Variants in EBLN1 observed in about 807,000 individuals in gnomAD.
The protein encoded by EBLN1 is endogenous Bornavirus-like nucleoprotein 1.
Under a neutral mutation model 0.8 loss-of-function variants are expected in EBLN1, and 1 was observed. That is an observed-to-expected ratio of 1.32 (90% CI 0.47 to 6.26). The LOEUF (loss-of-function observed/expected upper bound fraction) is 6.26, where lower values mean the gene tolerates loss of function less well. Among genes scored for constraint, EBLN1 ranks in the 30% most tolerant of loss-of-function variants. The pLI, the probability that EBLN1 is intolerant of heterozygous loss-of-function variation, is 0.15. For synonymous variants in EBLN1, 158 were observed against 158.5 expected (o/e 1.00, Z 0.02); for missense variants, 396 against 447.9 (o/e 0.88, Z 1.05).
chr10:22,213,633 G>T (rs921698680), intron 1 of EBLN1, among the ~76,000 whole-genome samples: 2 of 152,174 alleles, frequency 1.3e-5, no homozygotes, highest in African/African-American at 4.8e-5. Context: ...TATGTGATTT[G>T]CATAAAATGA....
At chr10:22,213,572 T>C (rs955281554) in intron 1 of EBLN1, among the ~76,000 whole-genome samples, 5 of 152,166 alleles carry the variant, frequency 3.3e-5, no homozygotes, top group Non-Finnish European at 7.3e-5. Context: ...AAAAATCATA[T>C]AAGCTTTAGG....
rs1309168080 is a variant in EBLN1 at position 22,212,856 on chromosome 10, A to C, written c.-59T>G. On this transcript the variant is annotated 5_prime_UTR_variant, in exon 2 of 3. Transcript: ENST00000422359. ...GTGGCACGTACCTGCAGTCCTAGCT[A>C]CTTTGGAGGCTGAGGTAGGAGGATT... Among the ~76,000 whole-genome samples, 1 of 150,502 alleles carries C rather than the reference A, an allele frequency of 6.6e-6. No homozygotes were observed. Among genetic ancestry groups the C allele is most frequent in the African/African-American group, 2.5e-5 (1 of 40,794 alleles).
In EBLN1 at chr10:22,209,818, T is replaced by C. The variant is rs376234373; in HGVS notation, c.166A>G (p.Ile56Val). The change falls in exon 3 of 3, where the codon ATT (isoleucine) becomes GTT (valine). Residue 56 changes from isoleucine to valine, a missense_variant. By Grantham distance (29) the Ile-to-Val change is conservative (BLOSUM62 3). Transcript: ENST00000422359. ...PQPGIGDVKV[I>V]EKATKSMLDP... Reference sequence around the variant, plus strand: ...AGCATAGACTTAGTTGCTTTTTCAATGACCTTAACATCTCCAATACCAGGT... The same window carrying C: ...AGCATAGACTTAGTTGCTTTTTCAACGACCTTAACATCTCCAATACCAGGT... 5.2e-6 allele frequency: 8 copies of C among 1,534,054 alleles called. No homozygotes were observed. The highest frequency in any genetic ancestry group is 2.4e-5 in the East Asian group (1 of 40,908).
At chr10:22,217,214 CT>C in intron 1 of EBLN1, among the ~76,000 whole-genome samples, 1 of 152,318 alleles carries the variant, frequency 6.6e-6, no homozygotes, top group South Asian at 2.1e-4. Flanking sequence ...CAACCTTCGC[CT>C]CCTGGGTTCA....
chr10:22,210,036 AT>A lies in EBLN1; in HGVS notation c.-44-10del, dbSNP rs1240601150. On this transcript the variant is annotated splice_polypyrimidine_tract_variant and intron_variant, in intron 2 of 2. Transcript: ENST00000422359. The stretch of plus-strand genomic sequence containing the variant: ...CACAATTTTGTACTGTACTAAAAAA[AT>A]ATAGAGAATGGCAATACAACAAAAT... The A allele has an allele frequency of 2.0e-5, 26 of 1,302,754 alleles. No individual in the cohort carries two copies. Among genetic ancestry groups the A allele is most frequent in the Non-Finnish European group, 2.4e-5 (25 of 1,028,340 alleles). 80.7% of individuals were successfully genotyped at this position (1,302,754 alleles called of 1,614,324 possible). A position where few individuals can be genotyped will look rare whatever the true frequency, so the allele number is the denominator to read the frequency against.
rs1235868741 is a variant in EBLN1 at position 22,209,190 on chromosome 10, T to C, written c.794A>G (p.Glu265Gly). Residue 265 changes from glutamate (E) to glycine (G), a missense_variant, in exon 3 of 3, where the codon GAG (glutamate) becomes GGG (glycine). Physicochemically the swap from Glu to Gly is moderately conservative, Grantham distance 98. Transcript: ENST00000422359. ...CTTTTTAGCCAGTGGTTTCTTCTGC[T>C]CAAAAACTGGAATCTCCAACACAAC... ...PAVVLEIPVF[E>G]QKKPLAKKVL... The C allele has an allele frequency of 6.5e-7, 1 of 1,536,730 alleles. No individual in the cohort carries two copies. The highest frequency in any genetic ancestry group is 1.4e-5 in the African/African-American group (1 of 73,056).
chr10:22,215,851 C>A lies in EBLN1; in HGVS notation c.-169+2065G>T, dbSNP rs200056881. ...AGTTAAGTGTGCTGTGGTATATGTACTGGATGAAATATTACACAGCAGGGA... is the reference window on the plus strand; with the variant it reads ...AGTTAAGTGTGCTGTGGTATATGTAATGGATGAAATATTACACAGCAGGGA... On this transcript the variant is annotated intron_variant, in intron 1 of 2. Coordinates refer to ENST00000422359, the MANE Select transcript of EBLN1 (RefSeq NM_001394757.1). 1.5e-4 allele frequency among the ~76,000 whole-genome samples: 23 copies of A among 152,004 alleles called. No individual in the cohort carries two copies. In the East Asian group the frequency reaches 4.2e-3, roughly 28 times the overall value.
chr10:22,215,079 A>G (rs1053769338), intron 1 of EBLN1, among the ~76,000 whole-genome samples: 2 of 152,216 alleles, frequency 1.3e-5, no homozygotes, highest in Non-Finnish European at 2.9e-5. Context: ...AAATATCCAG[A>G]ATAAGTAGAC....
intron 2 of EBLN1, among the ~76,000 whole-genome samples, chr10:22,211,323 G>C (rs866780074): frequency 2.6e-5 from 4 of 152,070 alleles, no homozygotes; most frequent in African/African-American, 9.7e-5. Flanking sequence ...AAAAAGGTGA[G>C]ATTTATGAAA....
At chr10:22,214,856 T>C (rs186458171) in intron 1 of EBLN1, among the ~76,000 whole-genome samples, 20 of 152,256 alleles carry the variant, frequency 1.3e-4, no homozygotes, top group Non-Finnish European at 2.8e-4. Context: ...ATAGAAGCAT[T>C]ATTTATAACA....
intron 2 of EBLN1, among the ~76,000 whole-genome samples, chr10:22,211,145 G>A (rs559930329): frequency 4.2e-4 from 64 of 152,100 alleles, no homozygotes; most frequent in Non-Finnish European, 6.6e-4. Flanking sequence ...TTCTTTTCTC[G>A]TCTCTTAATG....
In EBLN1 at chr10:22,217,991, G is replaced by C. The variant is rs114482163; in HGVS notation, c.-244C>G. 9 of 152,254 alleles carry C rather than the reference G, an allele frequency of 5.9e-5. No individual in the cohort carries two copies. The highest frequency in any genetic ancestry group is 2.2e-4 in the African/African-American group (9 of 41,432). 9.4% of individuals were successfully genotyped at this position (152,254 alleles called of 1,614,324 possible). A position where few individuals can be genotyped will look rare whatever the true frequency, so the allele number is the denominator to read the frequency against. On this transcript the variant is annotated 5_prime_UTR_variant, in exon 1 of 3. Coordinates refer to ENST00000422359, the MANE Select transcript of EBLN1 (RefSeq NM_001394757.1). ...AGGAGAAGCAAGCACCTTCCTCACA[G>C]GGCAGCAGGACCTAGAGAAAGAGCA...
intron 2 of EBLN1, among the ~76,000 whole-genome samples, chr10:22,212,236 A>G (rs1834760801): frequency 6.6e-6 from 1 of 152,202 alleles, no homozygotes; most frequent in African/African-American, 2.4e-5. Context: ...AATTTAATTA[A>G]TAACTTGAAC....
rs1834722480 is a variant in EBLN1 at position 22,209,265 on chromosome 10, A to G, written c.719T>C (p.Val240Ala). 2 of 1,579,738 alleles carry G rather than the reference A, an allele frequency of 1.3e-6. No homozygotes were observed. The highest frequency in any genetic ancestry group is 2.7e-5 in the African/African-American group (2 of 74,654). The change falls in exon 3 of 3, where the codon GTG (valine) becomes GCG (alanine). Residue 240 changes from valine to alanine, a missense_variant. By Grantham distance (64) the Val-to-Ala change is moderately conservative. Coordinates refer to ENST00000422359, the MANE Select transcript of EBLN1 (RefSeq NM_001394757.1). ...CACACACTGATCCAGGAACATTCTC[A>G]CAGTGTAGTAGGTCATCATCTGTGC... ...SKAQMMTYYT[V>A]RMFLDQCVDG...
At chr10:22,213,278 T>A (rs10508642) in intron 1 of EBLN1, among the ~76,000 whole-genome samples, 9,633 of 152,272 alleles carry the variant, frequency 0.063, 653 homozygotes, top group African/African-American at 0.17. Context: ...CACATATAGT[T>A]TGATTATTTG....
Position 22,208,866 on chromosome 10 carries a change from A to T in EBLN1, c.*17T>A. ...TTTCTTTTTATATGTATATATAAGGATTAGTTCACGTATTTGTTATTCAAA... is the reference window on the plus strand; with the variant it reads ...TTTCTTTTTATATGTATATATAAGGTTTAGTTCACGTATTTGTTATTCAAA... On this transcript the variant is annotated 3_prime_UTR_variant, in exon 3 of 3. Transcript: ENST00000422359. 6.6e-7 allele frequency: 1 copy of T among 1,504,512 alleles called. No homozygotes were observed. Among genetic ancestry groups the T allele is most frequent in the South Asian group, 1.3e-5 (1 of 78,686 alleles). The allele number at this position is 1,504,512 out of a possible 1,614,324, so 93.2% of individuals were successfully genotyped here. A position where few individuals can be genotyped will look rare whatever the true frequency, so the allele number is the denominator to read the frequency against.
Position 22,209,255 on chromosome 10 carries a change from G to C in EBLN1, c.729C>G (p.Phe243Leu). 1 of 1,571,558 alleles carries C rather than the reference G, an allele frequency of 6.4e-7. No homozygotes were observed. The highest frequency in any genetic ancestry group is 8.6e-7 in the Non-Finnish European group (1 of 1,166,172). The change falls in exon 3 of 3, where the codon TTC becomes TTG. Residue 243 changes from phenylalanine to leucine, a missense_variant. Transcript: ENST00000422359. ...QMMTYYTVRM[F>L]LDQCVDGSTA... ...TGGAACCATCCACACACTGATCCAG[G>C]AACATTCTCACAGTGTAGTAGGTCA...
Position 22,210,011 on chromosome 10 carries a change from C to T in EBLN1, c.-28G>A, listed in dbSNP as rs1834735858. ...TGGGTGATTGTTTCTGTGATTTTCACACAATTTTGTACTGTACTAAAAAAA... is the reference window on the plus strand; with the variant it reads ...TGGGTGATTGTTTCTGTGATTTTCATACAATTTTGTACTGTACTAAAAAAA... On this transcript the variant is annotated 5_prime_UTR_variant, in exon 3 of 3. It adds an upstream start codon to the 5' untranslated region. Coordinates refer to ENST00000422359, the MANE Select transcript of EBLN1 (RefSeq NM_001394757.1). The T allele has an allele frequency of 2.2e-6, 3 of 1,388,506 alleles. No homozygotes were observed. The highest frequency in any genetic ancestry group is 2.8e-6 in the Non-Finnish European group (3 of 1,074,444). The allele number at this position is 1,388,506 out of a possible 1,614,324, so 86.0% of individuals were successfully genotyped here. A position where few individuals can be genotyped will look rare whatever the true frequency, so the allele number is the denominator to read the frequency against.
Position 22,209,744 on chromosome 10 carries a change from T to C in EBLN1, c.240A>G (p.Val80=). ...ATCCATCGAATATAAAACACAAAAA[T>C]ACTAAGCTTGGGGTTACAAGGTAAA... ...SHFYLVTPSL[V]FLCFIFDGLH... is the part of the protein sequence containing the mutation. The change falls in exon 3 of 3, where the codon GTA becomes GTG. Residue 80 remains valine, a synonymous_variant. Coordinates refer to ENST00000422359, the MANE Select transcript of EBLN1 (RefSeq NM_001394757.1). The C allele has an allele frequency of 1.3e-6, 2 of 1,535,916 alleles. No individual in the cohort carries two copies. The highest frequency in any genetic ancestry group is 1.7e-6 in the Non-Finnish European group (2 of 1,146,906).
Sources: gnomAD v4.1 joint callset for allele counts (sites outside exome capture counted in the v4.1 genomes callset) on GRCh38, gnomAD v4.1.1 for gene constraint, MANE v1.5 for transcripts, NCBI Gene and HGNC (gene_info 2026-07-23, HGNC 2026-07-21) for gene names.